Variants in PCCA observed in about 807,000 individuals in gnomAD.
The protein encoded by PCCA is propionyl-CoA carboxylase alpha chain, mitochondrial.
PCCA carries 74 observed loss-of-function variants against 101.3 expected under a neutral mutation model. The ratio of observed to expected loss-of-function variants is 0.73; its 90% confidence interval spans 0.61 to 0.89. PCCA has a LOEUF of 0.89. Ranked by LOEUF, PCCA falls within the 40% of genes least tolerant of loss-of-function variation. The probability of loss-of-function intolerance (pLI) is 0.00; values close to 1 mark genes in which losing one functional copy is unlikely to be tolerated. For missense variants in PCCA, 891 were observed against 907.0 expected (o/e 0.98, Z 0.23); for synonymous variants, 294 against 313.6 (o/e 0.94, Z 0.66).
intron 21 of PCCA, among the ~76,000 whole-genome samples, chr13:100,470,519 C>G (rs2082922251): frequency 6.6e-6 from 1 of 152,196 alleles, no homozygotes; most frequent in African/African-American, 2.4e-5. Context: ...TACAAGACCC[C>G]CTAAGACTCT....
chr13:100,126,285 CT>C (rs550726504), intron 4 of PCCA, among the ~76,000 whole-genome samples: 17 of 148,918 alleles, frequency 1.1e-4, no homozygotes, highest in East Asian at 9.8e-4. Flanking sequence ...AGTATGGTAT[CT>C]TTTTTTTTTA....
chr13:100,365,420 G>C (rs1207450471), intron 18 of PCCA, among the ~76,000 whole-genome samples: 1 of 152,174 alleles, frequency 6.6e-6, no homozygotes, highest in Non-Finnish European at 1.5e-5. Flanking sequence ...ATGGGTTCTG[G>C]GTTGGAACAG....
At chr13:100,205,384 T>A (rs1716823504) in intron 6 of PCCA, among the ~76,000 whole-genome samples, 1 of 152,204 alleles carries the variant, frequency 6.6e-6, no homozygotes, top group African/African-American at 2.4e-5. Flanking sequence ...TTGCTTTAAT[T>A]ACTTTTAAAG....
chr13:100,186,704 G>A (rs542176808), intron 6 of PCCA, among the ~76,000 whole-genome samples: 43 of 146,356 alleles, frequency 2.9e-4, no homozygotes, highest in Admixed American at 7.0e-4. Flanking sequence ...TCGCATCACT[G>A]CACTCCAGCC....
At chr13:100,356,195 G>A (rs1224725708) in intron 18 of PCCA, among the ~76,000 whole-genome samples, 3 of 152,188 alleles carry the variant, frequency 2.0e-5, no homozygotes, top group South Asian at 2.1e-4. Context: ...TCTTTGTTAC[G>A]TTTGGTTAGG....
At chr13:100,271,374 C>T (rs1376087754) in intron 11 of PCCA, among the ~76,000 whole-genome samples, 1 of 151,734 alleles carries the variant, frequency 6.6e-6, no homozygotes, top group African/African-American at 2.4e-5. Flanking sequence ...CACTTCCCAC[C>T]TGTGAACTCT....
At chr13:100,468,905 G>A (rs933656980) in intron 21 of PCCA, among the ~76,000 whole-genome samples, 3 of 151,906 alleles carry the variant, frequency 2.0e-5, no homozygotes, top group African/African-American at 7.3e-5. Context: ...AGATGGTGGA[G>A]CAAGAACAAA....
chr13:100,292,639 CCTGT>C (rs1332980637), intron 12 of PCCA, among the ~76,000 whole-genome samples: 14 of 152,224 alleles, frequency 9.2e-5, no homozygotes, highest in African/African-American at 3.4e-4. Flanking sequence ...TAATATAAAG[CCTGT>C]CTGACATCTG....
chr13:100,094,768 A>G (rs1461387531), intron 1 of PCCA, among the ~76,000 whole-genome samples: 5 of 152,124 alleles, frequency 3.3e-5, no homozygotes, highest in Non-Finnish European at 1.5e-5. Context: ...TTATATTTTT[A>G]GTAGAGACGG....
At chr13:100,307,789 A>C (rs2066570073) in intron 15 of PCCA, among the ~76,000 whole-genome samples, 1 of 152,246 alleles carries the variant, frequency 6.6e-6, no homozygotes, top group African/African-American at 2.4e-5. Flanking sequence ...GAATTTTTGG[A>C]TCTTTAAACC....
chr13:100,148,383 C>T (rs1159580622), intron 4 of PCCA, among the ~76,000 whole-genome samples: 4 of 152,174 alleles, frequency 2.6e-5, no homozygotes, highest in South Asian at 4.1e-4. Context: ...CTACTCTTTA[C>T]ATCCAGCCAT....
rs114044784 is a variant in PCCA, at chr13:100,206,933, A to G, written c.469-2399A>G. On this transcript the variant is annotated intron_variant, in intron 6 of 23. Transcript: ENST00000376285. Reference sequence around the variant, plus strand: ...TAGTTTCCCCCAGTTTATGATACTTACCTCTTGCTCTCCGTGCTATCATTT... The same window carrying G: ...TAGTTTCCCCCAGTTTATGATACTTGCCTCTTGCTCTCCGTGCTATCATTT... Among the ~76,000 whole-genome samples, 1,089 of 152,182 alleles carry G rather than the reference A, an allele frequency of 7.2e-3. 14 individuals are homozygous for G. Among genetic ancestry groups the G allele is most frequent in the African/African-American group, 0.025 (1,040 of 41,508 alleles).
intron 18 of PCCA, among the ~76,000 whole-genome samples, chr13:100,344,801 C>G (rs1009810845): frequency 6.6e-6 from 1 of 152,270 alleles, no homozygotes; most frequent in East Asian, 1.9e-4. Context: ...CTGCATTGAG[C>G]AAGTCTTTTT....
intron 21 of PCCA, among the ~76,000 whole-genome samples, chr13:100,481,572 A>T (rs2083935322): frequency 6.6e-6 from 1 of 151,996 alleles, no homozygotes; most frequent in Admixed American, 6.6e-5. Flanking sequence ...ATAAAAAAGG[A>T]ACCTAAGCAC....
intron 10 of PCCA, among the ~76,000 whole-genome samples, chr13:100,263,443 T>A (rs188440643): frequency 3.5e-4 from 53 of 152,334 alleles, no homozygotes; most frequent in African/African-American, 9.4e-4. Context: ...AGTATTTTTT[T>A]AAATCTTAAT....
chr13:100,240,899 A>G (rs982537553), intron 8 of PCCA, among the ~76,000 whole-genome samples: 1 of 152,024 alleles, frequency 6.6e-6, no homozygotes, highest in African/African-American at 2.4e-5. Context: ...ATGTGAACAA[A>G]TCTTAAGTGT....
intron 14 of PCCA, among the ~76,000 whole-genome samples, chr13:100,306,835 G>T (rs1016947819): frequency 1.3e-5 from 2 of 152,220 alleles, no homozygotes; most frequent in Non-Finnish European, 2.9e-5. Context: ...TCACTGGTGG[G>T]CTCAGAAGGG....
intron 16 of PCCA, among the ~76,000 whole-genome samples, chr13:100,322,131 C>T (rs2068121305): frequency 6.6e-6 from 1 of 152,116 alleles, no homozygotes; most frequent in Non-Finnish European, 1.5e-5. Flanking sequence ...GGCAAGTCAG[C>T]CTCATGAGGT....
chr13:100,413,013 T>C (rs1027943011), intron 19 of PCCA, among the ~76,000 whole-genome samples: 2 of 152,220 alleles, frequency 1.3e-5, no homozygotes, highest in Non-Finnish European at 2.9e-5. Flanking sequence ...TTTTAGTATG[T>C]ACATATTAGG....
Sources: allele counts gnomAD v4.1 joint callset (sites outside exome capture counted in the v4.1 genomes callset), GRCh38; gene constraint gnomAD v4.1.1; transcripts MANE v1.5; gene names NCBI Gene and HGNC (gene_info 2026-07-23, HGNC 2026-07-21).